CNOT6L: variants seen among roughly 807,000 people sequenced by gnomAD.
The protein encoded by CNOT6L is CCR4-NOT transcription complex subunit 6 like, also known as CCR4-NOT transcription complex subunit 6-like.
CNOT6L carries 7 observed loss-of-function variants against 64.0 expected under a neutral mutation model. The ratio of observed to expected loss-of-function variants is 0.11; its 90% CI spans 0.06 to 0.21. The LOEUF is 0.21. Ranked by LOEUF, CNOT6L falls within the 10% of genes least tolerant of loss-of-function variation. The pLI is 1.00. For missense variants in CNOT6L, 245 were observed against 669.0 expected, an observed-to-expected ratio of 0.37 and a Z score of 6.99; for synonymous variants, 193 against 243.4, an observed-to-expected ratio of 0.79 and a Z score of 1.93.
At chr4:77,817,992 G>A (rs899121461) in intron 1 of CNOT6L, among the ~76,000 whole-genome samples, 15 of 152,240 alleles carry the variant, frequency 9.9e-5, no homozygotes, top group Admixed American at 8.5e-4. Context: ...CCTATTGGCA[G>A]CAGGTTTATC....
intron 1 of CNOT6L, among the ~76,000 whole-genome samples, chr4:77,792,115 T>C (rs1041989418): frequency 9.2e-5 from 14 of 152,180 alleles, no homozygotes; most frequent in Admixed American, 7.9e-4. Flanking sequence ...TGTCTTGAGA[T>C]ACAAAATACT....
At chr4:77,798,672 A>G (rs747872741) in intron 1 of CNOT6L, among the ~76,000 whole-genome samples, 1 of 152,134 alleles carries the variant, frequency 6.6e-6, no homozygotes, top group African/African-American at 2.4e-5. Flanking sequence ...ACTTTGGGAG[A>G]AAGTTTGAAG....
chr4:77,756,370 A>T (rs1028100931), intron 5 of CNOT6L, among the ~76,000 whole-genome samples: 1 of 152,228 alleles, frequency 6.6e-6, no homozygotes, highest in Non-Finnish European at 1.5e-5. Flanking sequence ...GGTGTTCTTA[A>T]TTTAAAACCT....
chr4:77,779,063 C>A (rs56074179), intron 1 of CNOT6L, among the ~76,000 whole-genome samples: 29,193 of 69,680 alleles, frequency 0.42, 5,343 homozygotes, highest in East Asian at 0.53. Flanking sequence ...AAAAAAAAAA[C>A]AAAAAAAAAA....
intron 11 of CNOT6L, among the ~76,000 whole-genome samples, chr4:77,723,156 G>C (rs1004225943): frequency 1.3e-5 from 2 of 152,100 alleles, no homozygotes; most frequent in Non-Finnish European, 2.9e-5. Context: ...GTGGGGTGAG[G>C]AGCAGCAGTA....
At chr4:77,749,581 C>G (rs571866614) in intron 5 of CNOT6L, among the ~76,000 whole-genome samples, 3 of 152,242 alleles carry the variant, frequency 2.0e-5, no homozygotes, top group East Asian at 3.9e-4. Context: ...GCTTCCAAAT[C>G]TTAACTAGTG....
intron 2 of CNOT6L, among the ~76,000 whole-genome samples, chr4:77,775,534 T>C (rs920181801): frequency 2.6e-5 from 4 of 152,184 alleles, no homozygotes; most frequent in Non-Finnish European, 4.4e-5. Context: ...ATCATCACCA[T>C]GGTACATTTG....
At chr4:77,800,642 A>T (rs1731426591) in intron 1 of CNOT6L, among the ~76,000 whole-genome samples, 2 of 152,216 alleles carry the variant, frequency 1.3e-5, no homozygotes, top group African/African-American at 4.8e-5. Context: ...TGTTAGATAA[A>T]CATAAAAGTT....
chr4:77,718,272 A>T lies in CNOT6L; in HGVS notation c.*2159T>A, dbSNP rs1351706100. The T allele has an allele frequency of 2.0e-5, 3 of 152,502 alleles. No individual in the cohort carries two copies. The highest frequency in any genetic ancestry group is 2.9e-5 in the Non-Finnish European group (2 of 68,010). 9.4% of individuals were successfully genotyped at this position (152,502 alleles called of 1,614,324 possible). The stretch of plus-strand genomic sequence containing the variant: ...AGTGCATATACCTCCAGAGCAGAAA[A>T]CCCACCCAAAACAAAAGATCTAAAA... On this transcript the variant is annotated 3_prime_UTR_variant, in exon 12 of 12. Transcript: ENST00000504123.
intron 1 of CNOT6L, among the ~76,000 whole-genome samples, chr4:77,795,414 T>C (rs1244108462): frequency 7.2e-5 from 11 of 152,208 alleles, no homozygotes; most frequent in African/African-American, 2.7e-4. Context: ...TTTAGCTCTG[T>C]GTCCACACCC....
intron 1 of CNOT6L, among the ~76,000 whole-genome samples, chr4:77,793,667 C>T (rs1251055219): frequency 6.6e-6 from 1 of 152,160 alleles, no homozygotes; most frequent in Admixed American, 6.5e-5. Context: ...TACTAAGCAG[C>T]AGCCACTGAT....
chr4:77,781,734 A>G (rs1728879044), intron 1 of CNOT6L, among the ~76,000 whole-genome samples: 1 of 152,152 alleles, frequency 6.6e-6, no homozygotes, highest in South Asian at 2.1e-4. Flanking sequence ...CGATGCCTCT[A>G]TAGCGTATGT....
At chr4:77,790,369 C>A (rs1729984864) in intron 1 of CNOT6L, among the ~76,000 whole-genome samples, 1 of 152,186 alleles carries the variant, frequency 6.6e-6, no homozygotes, top group South Asian at 2.1e-4. Context: ...CTGCTATAAA[C>A]ATTCATGTGC....
chr4:77,807,979 A>C (rs1732448356), intron 1 of CNOT6L, among the ~76,000 whole-genome samples: 1 of 152,222 alleles, frequency 6.6e-6, no homozygotes. Flanking sequence ...GGGTCAGTCA[A>C]TAAGCTGCAT....
intron 1 of CNOT6L, among the ~76,000 whole-genome samples, chr4:77,779,076 C>A (rs59122919): frequency 0.043 from 3,768 of 86,782 alleles, 267 homozygotes; most frequent in South Asian, 0.061. Flanking sequence ...AAAAAAAACA[C>A]AAAAAACACA....
intron 8 of CNOT6L, among the ~76,000 whole-genome samples, chr4:77,740,520 G>C (rs1434044851): frequency 6.6e-6 from 1 of 152,214 alleles, no homozygotes; most frequent in Non-Finnish European, 1.5e-5. Flanking sequence ...TATGAAATCA[G>C]ACTGTGTAAC....
chr4:77,812,461 A>G (rs1225841628), intron 1 of CNOT6L, among the ~76,000 whole-genome samples: 1 of 151,310 alleles, frequency 6.6e-6, no homozygotes, highest in Admixed American at 6.6e-5. Flanking sequence ...AAAAAAAACT[A>G]TTAGAACTAA....
intron 11 of CNOT6L, among the ~76,000 whole-genome samples, chr4:77,724,780 C>T (rs923433737): frequency 9.2e-5 from 14 of 152,004 alleles, no homozygotes; most frequent in Admixed American, 7.2e-4. Context: ...TTCTGGGTTA[C>T]GCTGGCAGAT....
chr4:77,775,280 C>A (rs571252433), intron 2 of CNOT6L, among the ~76,000 whole-genome samples: 32 of 152,296 alleles, frequency 2.1e-4, no homozygotes, highest in African/African-American at 7.5e-4. Flanking sequence ...GCTAAATGTG[C>A]AAGTAATTCT....
Sources: gnomAD v4.1 joint callset for allele counts (sites outside exome capture counted in the v4.1 genomes callset) on GRCh38, gnomAD v4.1.1 for gene constraint, MANE v1.5 for transcripts, NCBI Gene and HGNC (gene_info 2026-07-23, HGNC 2026-07-21) for gene names.